Variants in SAMMSON observed in about 807,000 individuals in gnomAD.
SAMMSON encodes survival associated mitochondrial melanoma specific oncogenic non-coding RNA.
rs1425310009 is a variant in SAMMSON at position 70,308,287 on chromosome 3, T to G, written n.739+17044T>G. ...TATCTCACCACTGGTCTCAAACTCC[T>G]GGGTTCAAGGGATCTTCCCATCTTC... On this transcript the variant is annotated intron_variant and non_coding_transcript_variant, in intron 7 of 9. Coordinates refer to ENST00000642114, the Ensembl canonical transcript of SAMMSON. 3.3e-5 allele frequency among the ~76,000 whole-genome samples: 5 copies of G among 152,090 alleles called. No homozygotes were observed. The South Asian group carries it at 1.0e-3, about 32-fold the overall frequency.
chr3:70,165,464 A>C (rs577145647), intron 4 of SAMMSON, among the ~76,000 whole-genome samples: 1 of 152,096 alleles, frequency 6.6e-6, no homozygotes, highest in East Asian at 1.9e-4. Flanking sequence ...GAGAGAAGGC[A>C]CATCTATGAA....
At chr3:70,051,694 TAG>T (rs1157148840) in intron 3 of SAMMSON, among the ~76,000 whole-genome samples, 1 of 151,934 alleles carries the variant, frequency 6.6e-6, no homozygotes, top group African/African-American at 2.4e-5. Context: ...TAAAAAATTG[TAG>T]AGTGTCTCAT....
intron 2 of SAMMSON, among the ~76,000 whole-genome samples, chr3:70,411,465 A>G (rs1438987978): frequency 6.6e-6 from 1 of 152,082 alleles, no homozygotes; most frequent in Non-Finnish European, 1.5e-5. Flanking sequence ...ATCAACAACT[A>G]TTTTTTCATT....
chr3:70,047,183 TA>T lies in SAMMSON; in HGVS notation n.418-24290del, dbSNP rs547837326. ...TCTTTTGGACCCCTTACAAAAGTGA[TA>T]AAGTATGGTGCATAGTATGCACTAA... On this transcript the variant is annotated intron_variant and non_coding_transcript_variant, in intron 3 of 9. Coordinates refer to ENST00000642114, the Ensembl canonical transcript of SAMMSON. Among the ~76,000 whole-genome samples the T allele has an allele frequency of 3.3e-3, 509 of 152,242 alleles. 3 individuals are homozygous for T. The highest frequency in any genetic ancestry group is 4.4e-3 in the Non-Finnish European group (297 of 68,008).
chr3:70,392,353 G>A (rs1299745949), downstream of SAMMSON, among the ~76,000 whole-genome samples: 1 of 152,066 alleles, frequency 6.6e-6, no homozygotes, highest in Non-Finnish European at 1.5e-5. Context: ...ACTTGACCAG[G>A]ATCACATAGG....
At chr3:70,404,990 AAAACCAAAAC>A (rs1464563805) in intron 2 of SAMMSON, among the ~76,000 whole-genome samples, 1 of 152,208 alleles carries the variant, frequency 6.6e-6, no homozygotes, top group Non-Finnish European at 1.5e-5. Flanking sequence ...TGAGGCCAGC[AAAACCAAAAC>A]AAAGCAAAAC....
At chr3:70,107,115 G>T (rs1208463295) in intron 4 of SAMMSON, among the ~76,000 whole-genome samples, 1 of 152,170 alleles carries the variant, frequency 6.6e-6, no homozygotes, top group Non-Finnish European at 1.5e-5. Flanking sequence ...TTTAAACTAC[G>T]TAGAGGGGGA....
intron 7 of SAMMSON, among the ~76,000 whole-genome samples, chr3:70,346,699 T>C (rs1000544446): frequency 7.2e-5 from 11 of 152,182 alleles, no homozygotes; most frequent in African/African-American, 2.4e-4. Context: ...TCATCTTTGA[T>C]GGACTAAGTA....
chr3:70,404,859 C>A (rs1172208038), intron 2 of SAMMSON, among the ~76,000 whole-genome samples: 1 of 152,026 alleles, frequency 6.6e-6, no homozygotes, highest in Non-Finnish European at 1.5e-5. Flanking sequence ...AAGCTGGAAG[C>A]CACTAGAGTA....
At chr3:70,071,687 T>C (rs2067230491) in intron 4 of SAMMSON, 1 of 152,066 alleles carries the variant, frequency 6.6e-6, no homozygotes, top group African/African-American at 2.4e-5. Context: ...ATTGTTATTT[T>C]GTCTTTGGTT....
intron 4 of SAMMSON, among the ~76,000 whole-genome samples, chr3:70,088,226 C>T (rs1451032010): frequency 6.6e-6 from 1 of 152,146 alleles, no homozygotes; most frequent in African/African-American, 2.4e-5. Flanking sequence ...CAACAATAAG[C>T]TTAGGTTGCA....
chr3:70,006,211 C>T (rs755855412), intron 1 of SAMMSON, among the ~76,000 whole-genome samples: 2 of 152,162 alleles, frequency 1.3e-5, no homozygotes, highest in Non-Finnish European at 1.5e-5. Context: ...GCACCAATTA[C>T]AGAATATGTC....
intron 4 of SAMMSON, among the ~76,000 whole-genome samples, chr3:70,231,547 G>A (rs1701560114): frequency 6.6e-6 from 1 of 152,180 alleles, no homozygotes; most frequent in African/African-American, 2.4e-5. Flanking sequence ...TGAATGACTT[G>A]TTAGTTGTGC....
At chr3:70,113,287 C>T (rs1222962173) in intron 4 of SAMMSON, among the ~76,000 whole-genome samples, 1 of 151,962 alleles carries the variant, frequency 6.6e-6, no homozygotes, top group Non-Finnish European at 1.5e-5. Flanking sequence ...TCTTACTTTC[C>T]CCAAATCAAT....
At chr3:70,039,154 A>G (rs2067096962) in intron 3 of SAMMSON, among the ~76,000 whole-genome samples, 1 of 152,162 alleles carries the variant, frequency 6.6e-6, no homozygotes, top group African/African-American at 2.4e-5. Context: ...ACTAAACTGC[A>G]CCACTGAGTA....
At chr3:70,407,165 C>T (rs570451492) in intron 2 of SAMMSON, among the ~76,000 whole-genome samples, 2 of 152,282 alleles carry the variant, frequency 1.3e-5, no homozygotes, top group African/African-American at 4.8e-5. Flanking sequence ...CACCAGGTCC[C>T]TCCCACAACA....
rs560745290 is a variant in SAMMSON at position 70,240,883 on chromosome 3, A to T, written n.508-8224A>T. Reference sequence around the variant, plus strand: ...GCCCATAAGATGACAGAATTAGGGTACTTGATAAGCAGTATGAAAACACTG... The same window carrying T: ...GCCCATAAGATGACAGAATTAGGGTTCTTGATAAGCAGTATGAAAACACTG... On this transcript the variant is annotated intron_variant and non_coding_transcript_variant, in intron 4 of 9. Transcript: ENST00000642114. Among the ~76,000 whole-genome samples, 10 of 152,330 alleles carry T rather than the reference A, an allele frequency of 6.6e-5. 1 individual carries two copies. In the South Asian group the frequency reaches 2.1e-3, roughly 32 times the overall value.
At chr3:70,271,532 G>A (rs910223592) in intron 6 of SAMMSON, among the ~76,000 whole-genome samples, 2 of 152,066 alleles carry the variant, frequency 1.3e-5, no homozygotes, top group African/African-American at 4.8e-5. Flanking sequence ...ACATCACCCT[G>A]GCCTTGCAAA....
At chr3:70,038,499 A>G (rs753969390) in intron 3 of SAMMSON, among the ~76,000 whole-genome samples, 3 of 152,252 alleles carry the variant, frequency 2.0e-5, no homozygotes, top group South Asian at 4.1e-4. Context: ...TTTCTTTATA[A>G]ACTACCCAGT....
Sources: allele counts gnomAD v4.1 joint callset (sites outside exome capture counted in the v4.1 genomes callset), GRCh38; gene constraint gnomAD v4.1.1; transcripts MANE v1.5; gene names NCBI Gene and HGNC (gene_info 2026-07-23, HGNC 2026-07-21).